Variants in SORCS2 observed in about 807,000 individuals in gnomAD.
The protein encoded by SORCS2 is VPS10 domain-containing receptor SorCS2.
In SORCS2, 100 loss-of-function variants were observed where a neutral mutation model predicts 141.6. The observed-to-expected ratio is 0.71, with a 90% CI of 0.60 to 0.83. SORCS2 has a LOEUF of 0.83. Among genes scored for constraint, SORCS2 ranks in the 40% least tolerant of loss-of-function variants. The pLI, the probability that SORCS2 is intolerant of heterozygous loss-of-function variation, is 0.00. For missense variants in SORCS2, 1,646 were observed against 1,560.2 expected, an observed-to-expected ratio of 1.05 and a Z score of -0.93; for synonymous variants, 789 against 676.9, an observed-to-expected ratio of 1.17 and a Z score of -2.57.
chr4:7,471,595 G>A (rs560296346), intron 2 of SORCS2, among the ~76,000 whole-genome samples: 4 of 152,340 alleles, frequency 2.6e-5, no homozygotes, highest in African/African-American at 9.6e-5. Context: ...CTCGGTTCCT[G>A]GACTCATCAG....
chr4:7,675,856 G>A (rs1723068396), intron 8 of SORCS2, among the ~76,000 whole-genome samples, 194 bp from the exon 9 acceptor site: 1 of 152,182 alleles, frequency 6.6e-6, no homozygotes, highest in Non-Finnish European at 1.5e-5. Flanking sequence ...GGAAATGGAG[G>A]CCCAAGGAGG....
intron 12 of SORCS2, among the ~76,000 whole-genome samples, chr4:7,701,365 TA>T (rs1398332437): frequency 1.3e-5 from 2 of 151,992 alleles, no homozygotes; most frequent in Non-Finnish European, 2.9e-5. Flanking sequence ...TTATCCAAGG[TA>T]AAAGTGCTTC....
At chr4:7,589,923 T>C (rs1217491374) in intron 3 of SORCS2, among the ~76,000 whole-genome samples, 1 of 152,218 alleles carries the variant, frequency 6.6e-6, no homozygotes, top group Non-Finnish European at 1.5e-5. Context: ...TCACCAGGTC[T>C]GTGTGTGAAC....
chr4:7,543,784 T>C (rs865962449), intron 3 of SORCS2, among the ~76,000 whole-genome samples: 69 of 13,602 alleles, frequency 5.1e-3, no homozygotes, highest in African/African-American at 8.4e-3. Context: ...ATCCATCCAC[T>C]CATCCATCCA....
intron 3 of SORCS2, among the ~76,000 whole-genome samples, chr4:7,533,589 G>A (rs1057450541): frequency 6.6e-6 from 1 of 152,216 alleles, no homozygotes; most frequent in Non-Finnish European, 1.5e-5. Context: ...CAGGCACCTG[G>A]GATGTGATGG....
At chr4:7,714,153 C>T (rs1726025823) in intron 15 of SORCS2, 87 bp from the exon 16 acceptor site, 1 of 1,496,402 alleles carries the variant, frequency 6.7e-7, no homozygotes, top group Admixed American at 2.1e-5. Flanking sequence ...CAGCCATCTT[C>T]AGGCTCTGGC....
Position 7,314,426 on chromosome 4 carries a change from G to T in SORCS2, c.481-81862G>T, listed in dbSNP as rs548945793. 1.2e-3 allele frequency among the ~76,000 whole-genome samples: 176 copies of T among 149,558 alleles called. 3 individuals are homozygous for T. The highest frequency in any genetic ancestry group is 2.3e-3 in the Non-Finnish European group (156 of 67,750). ...GTGATCTTGACTCCCTGCAAGCGTC[G>T]TCTCCTGGGTTCACGCCATTCTCCT... On this transcript the variant is annotated intron_variant, in intron 1 of 26. Coordinates refer to ENST00000507866, the MANE Select transcript of SORCS2 (RefSeq NM_020777.3).
At chr4:7,699,394 C>T (rs1478060320) in intron 12 of SORCS2, among the ~76,000 whole-genome samples, 2 of 152,210 alleles carry the variant, frequency 1.3e-5, no homozygotes, top group Non-Finnish European at 2.9e-5. Context: ...TGCAGCATCG[C>T]CCTCCTGCCC....
In SORCS2 at chr4:7,740,436, G is replaced by A. The variant is rs760744629; in HGVS notation, c.*172G>A. ...TAAATCCAAGCCCGCCCAGGCCCAC[G>A]GGGGGCCCACGGGACCCCCCGGGAC... On this transcript the variant is annotated 3_prime_UTR_variant, in exon 27 of 27. Coordinates refer to ENST00000507866, the MANE Select transcript of SORCS2 (RefSeq NM_020777.3). 1.9e-5 allele frequency: 12 copies of A among 627,032 alleles called. No individual in the cohort carries two copies. The highest frequency in any genetic ancestry group is 4.3e-4 in the Middle Eastern group (1 of 2,350). 38.8% of individuals were successfully genotyped at this position (627,032 alleles called of 1,614,324 possible).
intron 18 of SORCS2, among the ~76,000 whole-genome samples, chr4:7,719,590 C>T (rs11934102): frequency 0.37 from 56,900 of 152,110 alleles, 12,136 homozygotes; most frequent in Non-Finnish European, 0.49. Context: ...CCACACTCCT[C>T]GGAGCCAGGG....
intron 14 of SORCS2, among the ~76,000 whole-genome samples, chr4:7,705,936 C>T (rs1218852869): frequency 1.3e-5 from 2 of 152,264 alleles, no homozygotes; most frequent in Non-Finnish European, 2.9e-5. Context: ...GGGGAGCAGG[C>T]CTGGTTTTGG....
At chr4:7,381,790 T>A (rs2109070806) in intron 1 of SORCS2, 8 of 367,536 alleles carry the variant, frequency 2.2e-5, no homozygotes, top group Non-Finnish European at 2.6e-5. Flanking sequence ...AACCCTGGAC[T>A]GCAGCCATGT....
In SORCS2 at chr4:7,224,651, G is replaced by A. The variant is rs1478158043; in HGVS notation, c.480+31525G>A. On this transcript the variant is annotated intron_variant, in intron 1 of 26. Transcript: ENST00000507866. ...AACCATTCATGAGAACTCCATCCCC[G>A]TGACCTCCCCCCAGGCCCCACCGCC... Among the ~76,000 whole-genome samples, 4 of 152,194 alleles carry A rather than the reference G, an allele frequency of 2.6e-5. No homozygotes were observed. In the East Asian group the frequency reaches 5.8e-4, roughly 22 times the overall value.
chr4:7,635,771 G>A (rs936844722), intron 3 of SORCS2, among the ~76,000 whole-genome samples: 12 of 152,080 alleles, frequency 7.9e-5, no homozygotes, highest in East Asian at 1.9e-4. Flanking sequence ...ACACACCTTC[G>A]TCCGCATTTC....
At chr4:7,230,927 C>T (rs1403090173) in intron 1 of SORCS2, among the ~76,000 whole-genome samples, 1 of 152,232 alleles carries the variant, frequency 6.6e-6, no homozygotes, top group African/African-American at 2.4e-5. Flanking sequence ...TGAAGACACC[C>T]AGTGCATTGG....
At chr4:7,385,589 C>G (rs142473474) in intron 1 of SORCS2, among the ~76,000 whole-genome samples, 1 of 152,206 alleles carries the variant, frequency 6.6e-6, no homozygotes, top group Admixed American at 6.5e-5. Flanking sequence ...GGAGGAAGGC[C>G]TGTGCTCTTC....
At chr4:7,235,353 G>T (rs1264243567) in intron 1 of SORCS2, among the ~76,000 whole-genome samples, 1 of 152,236 alleles carries the variant, frequency 6.6e-6, no homozygotes. Flanking sequence ...CCCCACAGCA[G>T]ATCTTTGGGG....
At chr4:7,554,753 C>T (rs1028646975) in intron 3 of SORCS2, among the ~76,000 whole-genome samples, 3 of 152,090 alleles carry the variant, frequency 2.0e-5, no homozygotes, top group African/African-American at 4.8e-5. Context: ...AAGAACATCC[C>T]AAAGAGAAAT....
intron 3 of SORCS2, among the ~76,000 whole-genome samples, chr4:7,626,545 A>G (rs1719525168): frequency 2.0e-5 from 3 of 152,230 alleles, no homozygotes; most frequent in Non-Finnish European, 4.4e-5. Flanking sequence ...CTATAGATTC[A>G]TTCCTACATA....
Sources: allele counts gnomAD v4.1 joint callset (sites outside exome capture counted in the v4.1 genomes callset), GRCh38; gene constraint gnomAD v4.1.1; transcripts MANE v1.5; gene names NCBI Gene and HGNC (gene_info 2026-07-23, HGNC 2026-07-21).